Variants in IFT22 observed in about 807,000 individuals in gnomAD.
The protein encoded by IFT22 is intraflagellar transport protein 22 homolog.
Under a neutral mutation model 21.0 loss-of-function variants are expected in IFT22, and 13 were observed. The ratio of observed to expected loss-of-function variants is 0.62; its 90% confidence interval spans 0.40 to 0.98. The LOEUF (loss-of-function observed/expected upper bound fraction) is 0.98, where lower values mean the gene tolerates loss of function less well. IFT22 is among the 50% of genes least tolerant of loss of function. The probability of loss-of-function intolerance (pLI) is 0.00; values close to 1 mark genes in which losing one functional copy is unlikely to be tolerated. For synonymous variants in IFT22, 67 were observed against 82.4 expected, an observed-to-expected ratio of 0.81 and a Z score of 1.01; for missense variants, 227 against 228.9, an observed-to-expected ratio of 0.99 and a Z score of 0.06.
Position 101,321,798 on chromosome 7 carries a change from G to A in IFT22, c.-89C>T. The A allele has an allele frequency of 3.8e-6, 5 of 1,316,046 alleles. No individual in the cohort carries two copies. Among genetic ancestry groups the A allele is most frequent in the Non-Finnish European group, 4.0e-6 (4 of 1,005,574 alleles). 81.5% of individuals were successfully genotyped at this position (1,316,046 alleles called of 1,614,324 possible). ...ACTTGGCCGCTTTCGTTTCCATGGCGACGGAGAGAGGCCCGCAGGGCCGAC... is the reference window on the plus strand; with the variant it reads ...ACTTGGCCGCTTTCGTTTCCATGGCAACGGAGAGAGGCCCGCAGGGCCGAC... On this transcript the variant is annotated 5_prime_UTR_variant, in exon 1 of 5. Transcript: ENST00000315322.
intron 2 of IFT22, chr7:101,318,446 G>A: frequency 2.7e-6 from 1 of 376,824 alleles, no homozygotes; most frequent in Middle Eastern, 8.4e-4. Context: ...CTTGAACCTG[G>A]GAGGCGGAGA....
Position 101,321,764 on chromosome 7 carries a change from C to T in IFT22, c.-55G>A, listed in dbSNP as rs771174599. The T allele has an allele frequency of 7.6e-5, 115 of 1,515,108 alleles. No homozygotes were observed. The highest frequency in any genetic ancestry group is 1.3e-4 in the Admixed American group (6 of 46,462). 93.9% of individuals were successfully genotyped at this position (1,515,108 alleles called of 1,614,324 possible). A position where few individuals can be genotyped will look rare whatever the true frequency, so the allele number is the denominator to read the frequency against. The stretch of plus-strand genomic sequence containing the variant: ...GCCCACGGGAGGCGGCGCGTCAGGA[C>T]GGAGCTCTACTTGGCCGCTTTCGTT... On this transcript the variant is annotated 5_prime_UTR_variant, in exon 1 of 5. Transcript: ENST00000315322.
Position 101,312,045 on chromosome 7 carries a change from A to G in IFT22, c.*3089T>C, listed in dbSNP as rs998316764. On this transcript the variant is annotated 3_prime_UTR_variant, in exon 5 of 5. Transcript: ENST00000315322. ...AATAAACCGTAAACTCACCGTATCT[A>G]GTGATTCTGTACATTAAATCTTTTG... Among the ~76,000 whole-genome samples the G allele has an allele frequency of 1.4e-4, 21 of 152,144 alleles. No individual in the cohort carries two copies. Among genetic ancestry groups the G allele is most frequent in the African/African-American group, 4.6e-4 (19 of 41,440 alleles).
At chr7:101,316,976 A>G (rs1469082302) in intron 3 of IFT22, among the ~76,000 whole-genome samples, 1 of 151,462 alleles carries the variant, frequency 6.6e-6, no homozygotes, top group African/African-American at 2.4e-5. Flanking sequence ...TTTTTTTTTA[A>G]GAGACAGGGT....
intron 2 of IFT22, chr7:101,318,452 G>A (rs1202340630): frequency 5.4e-6 from 2 of 369,090 alleles, no homozygotes; most frequent in Non-Finnish European, 1.0e-5. Context: ...CCTGGGAGGC[G>A]GAGATTGCAG....
intron 1 of IFT22, among the ~76,000 whole-genome samples, chr7:101,321,189 G>A (rs1004751375): frequency 6.6e-6 from 1 of 152,108 alleles, no homozygotes. Context: ...CGGGCGTGGT[G>A]GTGCACGCCT....
rs1789974817 is a variant in IFT22 at position 101,311,266 on chromosome 7, C to A, written c.*3868G>T. Reference sequence around the variant, plus strand: ...TCGGCCTCCCAAAGTGCTGGGATTACAGGCGTGAGCCACTGCGCCTGGCCT... The same window carrying A: ...TCGGCCTCCCAAAGTGCTGGGATTAAAGGCGTGAGCCACTGCGCCTGGCCT... On this transcript the variant is annotated 3_prime_UTR_variant, in exon 5 of 5. Transcript: ENST00000315322. 6.6e-6 allele frequency among the ~76,000 whole-genome samples: 1 copy of A among 152,144 alleles called. No homozygotes were observed. The highest frequency in any genetic ancestry group is 2.1e-4 in the South Asian group (1 of 4,830).
rs1790147896 is a variant in IFT22, at chr7:101,316,333, T to C, written c.409+7A>G. 1 of 1,613,858 alleles carries C rather than the reference T, an allele frequency of 6.2e-7. No homozygotes were observed. The highest frequency in any genetic ancestry group is 2.2e-5 in the East Asian group (1 of 44,876). On this transcript the variant is annotated splice_region_variant and intron_variant, in intron 4 of 4. Transcript: ENST00000315322. ...CAAAAGAGGAAGAGAAATTCCAGTT[T>C]CCTTACACAAAGACAGGCTTCCTTT...
intron 1 of IFT22, among the ~76,000 whole-genome samples, chr7:101,320,003 C>A (rs943162577): frequency 6.6e-6 from 1 of 151,828 alleles, no homozygotes. Context: ...GTTCCCCAGG[C>A]TGGAGTGCAA....
In IFT22 at chr7:101,316,498, A is replaced by T. The variant is rs761825748; in HGVS notation, c.251T>A (p.Val84Glu). Residue 84 changes from valine (V) to glutamate (E), a missense_variant, in exon 4 of 5, where the codon GTG becomes GAG. Transcript: ENST00000315322. ...GATGTCAGCATTGAAGACGATCACC[A>T]CTCCATGAGCATCCTTCATCAGGGC... Reference protein sequence around the residue: ...WPALMKDAHGVVIVFNADIPS... With the variant: ...WPALMKDAHGEVIVFNADIPS... 1 of 1,613,952 alleles carries T rather than the reference A, an allele frequency of 6.2e-7. No individual in the cohort carries two copies. The highest frequency in any genetic ancestry group is 1.3e-5 in the African/African-American group (1 of 74,938).
chr7:101,320,679 A>G (rs572146935), intron 1 of IFT22, among the ~76,000 whole-genome samples: 1 of 151,520 alleles, frequency 6.6e-6, no homozygotes, highest in African/African-American at 2.4e-5. Context: ...CAACACACAC[A>G]TTAATAGCCA....
At chr7:101,317,696 T>C (rs1297320429) in intron 3 of IFT22, among the ~76,000 whole-genome samples, 2 of 149,736 alleles carry the variant, frequency 1.3e-5, no homozygotes, top group African/African-American at 5.0e-5. Context: ...TCATGGTGCC[T>C]GGTGGGCAGC....
At position 101,315,133 on chromosome 7, in the gene IFT22, G is replaced by T. The variant is rs1418660759; in HGVS notation, c.*1C>A. 6.2e-7 allele frequency: 1 copy of T among 1,612,100 alleles called. No homozygotes were observed. Among genetic ancestry groups the T allele is most frequent in the African/African-American group, 1.3e-5 (1 of 74,664 alleles). On this transcript the variant is annotated 3_prime_UTR_variant, in exon 5 of 5. Transcript: ENST00000315322. The stretch of plus-strand genomic sequence containing the variant: ...ATGTGGCAGTCCCAGGTGAAGGCTG[G>T]CTAGGTCATAATTGACATCTCCTCC...
chr7:101,316,273 A>G (rs754079681), intron 4 of IFT22, 67 bp downstream of exon 4: 9 of 1,468,452 alleles, frequency 6.1e-6, no homozygotes, highest in Non-Finnish European at 8.6e-6. Context: ...TTTCTAGGAC[A>G]TGGGACAATA....
intron 2 of IFT22, 92 bp downstream of exon 2, chr7:101,318,864 C>T (rs1457590439): frequency 1.8e-5 from 18 of 1,019,394 alleles, no homozygotes; most frequent in Non-Finnish European, 2.6e-5. Flanking sequence ...GCGATCCTCC[C>T]GCTTTGACCT....
intron 1 of IFT22, among the ~76,000 whole-genome samples, chr7:101,319,893 C>A (rs1436263374): frequency 6.6e-6 from 1 of 151,998 alleles, no homozygotes; most frequent in African/African-American, 2.4e-5. Flanking sequence ...GGTCTCCCCA[C>A]CTCAGCCTCC....
Position 101,318,962 on chromosome 7 carries a change from C to T in IFT22, c.110G>A (p.Gly37Glu). The change falls in exon 2 of 5, where the codon GGA becomes GAA. Residue 37 changes from glycine to glutamate, a missense_variant. Physicochemically the swap from Gly to Glu is moderately conservative, Grantham distance 98 (BLOSUM62 -2). Transcript: ENST00000315322. ...CAGATTTGTCAGGGCTCACCTCACT[C>T]CTTGGGTTGGGCTGTATTCAGTGAT... is the stretch of plus-strand genomic sequence containing the variant. The part of the protein sequence containing the change: ...SDITEYSPTQ[G>E]VRILEFENPH... 3 of 1,613,526 alleles carry T rather than the reference C, an allele frequency of 1.9e-6. No individual in the cohort carries two copies. In the South Asian group the frequency reaches 3.3e-5, roughly 18 times the overall value.
At chr7:101,317,935 T>G (rs770916748) in intron 3 of IFT22, among the ~76,000 whole-genome samples, 189 bp downstream of exon 3, 15 of 152,088 alleles carry the variant, frequency 9.9e-5, no homozygotes, top group Admixed American at 5.2e-4. Flanking sequence ...CCTGGCTAAT[T>G]TTTTGTATTT....
At position 101,315,082 on chromosome 7, in the gene IFT22, C is replaced by T. The variant is rs368093551; in HGVS notation, c.*52G>A. 7.6e-6 allele frequency: 12 copies of T among 1,582,776 alleles called. No homozygotes were observed. The highest frequency in any genetic ancestry group is 4.1e-5 in the African/African-American group (3 of 73,866). On this transcript the variant is annotated 3_prime_UTR_variant, in exon 5 of 5. Coordinates refer to ENST00000315322, the MANE Select transcript of IFT22 (RefSeq NM_022777.4). ...GCTGGATGTGATTTCAGATCTGCAC[C>T]GAGAAACATGCTGATTTCACTGGGG...
Sources: gnomAD v4.1 joint callset for allele counts (sites outside exome capture counted in the v4.1 genomes callset) on GRCh38, gnomAD v4.1.1 for gene constraint, MANE v1.5 for transcripts, NCBI Gene and HGNC (gene_info 2026-07-23, HGNC 2026-07-21) for gene names.